EIPR1: variants seen among roughly 807,000 people sequenced by gnomAD.
The protein encoded by EIPR1 is EARP and GARP complex-interacting protein 1.
A neutral mutation model predicts 48.1 loss-of-function variants in EIPR1; 25 were observed. That is an observed-to-expected ratio of 0.52 (90% CI 0.38 to 0.73). The LOEUF (loss-of-function observed/expected upper bound fraction) is 0.73. Ranked by LOEUF, EIPR1 falls within the 30% of genes least tolerant of loss-of-function variation. The pLI is 0.00. For missense variants in EIPR1, 415 were observed against 506.2 expected, an observed-to-expected ratio of 0.82 and a Z score of 1.73; for synonymous variants, 204 against 201.9, an observed-to-expected ratio of 1.01 and a Z score of -0.09.
chr2:3,208,805 T>A lies in EIPR1; in HGVS notation c.516+5344A>T. ...GAGTGAGGCTCGTGGCAGGTCCTCC[T>A]TCTGTGAGTGAGGCCCGTGGCAGGT... On this transcript the variant is annotated intron_variant, in intron 5 of 8. Coordinates refer to ENST00000382125, the MANE Select transcript of EIPR1 (RefSeq NM_003310.5). 4 of 1,550,054 alleles carry A rather than the reference T, an allele frequency of 2.6e-6. No individual in the cohort carries two copies. The South Asian group carries it at 4.8e-5, about 18-fold the overall frequency.
At chr2:3,355,215 A>G (rs968068915) in intron 1 of EIPR1, among the ~76,000 whole-genome samples, 1 of 152,232 alleles carries the variant, frequency 6.6e-6, no homozygotes, top group Non-Finnish European at 1.5e-5. Context: ...TGATAGGCTG[A>G]TGCTGACGAG....
intron 3 of EIPR1, among the ~76,000 whole-genome samples, chr2:3,277,127 C>T (rs1397591772): frequency 6.6e-6 from 1 of 152,138 alleles, no homozygotes; most frequent in Non-Finnish European, 1.5e-5. Context: ...TAGAGGCAGG[C>T]AAAACAAAGT....
intron 3 of EIPR1, among the ~76,000 whole-genome samples, chr2:3,288,738 C>G (rs1668280535): frequency 6.6e-6 from 1 of 152,234 alleles, no homozygotes; most frequent in Non-Finnish European, 1.5e-5. Flanking sequence ...CAGGCACGGT[C>G]AGACATGGCA....
intron 3 of EIPR1, chr2:3,320,120 G>C (rs72493320): frequency 0.42 from 62,448 of 148,046 alleles, 13,847 homozygotes; most frequent in East Asian, 0.77. Context: ...ACCGCCCCTG[G>C]GGGCAACACC....
At chr2:3,275,226 A>C (rs1202331162) in intron 3 of EIPR1, among the ~76,000 whole-genome samples, 1 of 151,424 alleles carries the variant, frequency 6.6e-6, no homozygotes, top group East Asian at 1.9e-4. Flanking sequence ...CACACCAAGC[A>C]ACAAAAGAAA....
At chr2:3,324,817 G>A (rs1016044025) in intron 3 of EIPR1, among the ~76,000 whole-genome samples, 67 of 150,802 alleles carry the variant, frequency 4.4e-4, no homozygotes, top group African/African-American at 1.4e-3. Flanking sequence ...CGAAGTGGCC[G>A]CTGCCGCGCC....
intron 3 of EIPR1, among the ~76,000 whole-genome samples, chr2:3,272,914 C>A (rs1369056019): frequency 6.6e-6 from 1 of 151,330 alleles, no homozygotes; most frequent in African/African-American, 2.4e-5. Context: ...GGTTTCTTGA[C>A]CCTGACTGAC....
intron 3 of EIPR1, among the ~76,000 whole-genome samples, chr2:3,260,213 C>A (rs530015535): frequency 5.6e-4 from 85 of 152,272 alleles, no homozygotes; most frequent in African/African-American, 2.0e-3. Flanking sequence ...GAAGCAGTGG[C>A]CGGGCATGGT....
At chr2:3,341,737 G>A (rs1011859959) in intron 2 of EIPR1, among the ~76,000 whole-genome samples, 19 of 151,996 alleles carry the variant, frequency 1.3e-4, no homozygotes, top group Non-Finnish European at 5.9e-5. Context: ...GGGTGTGTGG[G>A]GGGTACGTGG....
At chr2:3,370,633 T>C (rs1283356575) in intron 1 of EIPR1, among the ~76,000 whole-genome samples, 1 of 152,112 alleles carries the variant, frequency 6.6e-6, no homozygotes, top group Non-Finnish European at 1.5e-5. Context: ...GAAGAAAGGG[T>C]ATCAGTGATG....
At chr2:3,376,999 A>G (rs921302705) in intron 1 of EIPR1, among the ~76,000 whole-genome samples, 5 of 152,286 alleles carry the variant, frequency 3.3e-5, no homozygotes, top group African/African-American at 1.2e-4. Context: ...TGCATTGCTT[A>G]TGCTCTGGGG....
intron 4 of EIPR1, among the ~76,000 whole-genome samples, chr2:3,238,350 CCACGGGCTGGTGA>C (rs1204092498): frequency 2.6e-5 from 4 of 152,202 alleles, no homozygotes; most frequent in Non-Finnish European, 5.9e-5. Flanking sequence ...TTGTCTCCCT[CCACGGGCTGGTGA>C]CACTCCAGAG....
chr2:3,231,051 C>G (rs530645447), intron 4 of EIPR1, among the ~76,000 whole-genome samples: 1 of 152,306 alleles, frequency 6.6e-6, no homozygotes, highest in African/African-American at 2.4e-5. Flanking sequence ...TTTCTGTGTA[C>G]AGATCTTTCA....
chr2:3,254,290 A>T (rs1324955396), intron 4 of EIPR1, among the ~76,000 whole-genome samples: 3 of 152,230 alleles, frequency 2.0e-5, no homozygotes, highest in African/African-American at 7.2e-5. Flanking sequence ...ACGCTCTGTC[A>T]TGGCATCACA....
intron 4 of EIPR1, among the ~76,000 whole-genome samples, chr2:3,215,307 A>G (rs920798075): frequency 6.6e-6 from 1 of 152,168 alleles, no homozygotes; most frequent in African/African-American, 2.4e-5. Flanking sequence ...CTCCTTAGGC[A>G]CTCAAGGATA....
chr2:3,318,979 T>C, intron 3 of EIPR1: 1 of 471,092 alleles, frequency 2.1e-6, no homozygotes, highest in Non-Finnish European at 4.4e-6. Context: ...AAGAAGGAAT[T>C]CAGATACTTG....
At chr2:3,367,705 A>G (rs917812474) in intron 1 of EIPR1, among the ~76,000 whole-genome samples, 62 of 152,324 alleles carry the variant, frequency 4.1e-4, no homozygotes, top group African/African-American at 1.3e-3. Flanking sequence ...AAAAGAGAAA[A>G]ATCCTAAAAC....
chr2:3,199,060 G>GCCCCCC lies in EIPR1; in HGVS notation c.517-2044_517-2043insGGGGGG, dbSNP rs1214394853. Among the ~76,000 whole-genome samples the GCCCCCC allele has an allele frequency of 1.3e-4, 3 of 23,348 alleles. 1 individual carries two copies. Among genetic ancestry groups the GCCCCCC allele is most frequent in the African/African-American group, 3.4e-4 (2 of 5,826 alleles). 15.3% of individuals were successfully genotyped at this position (23,348 alleles called of 152,430 possible). ...CACCCCCAGAGTGGCCATTTTAGAG[G>GCCCCCC]GCCCCCCCCCCGCCCCGGGAATGCA... is the stretch of plus-strand genomic sequence containing the variant. On this transcript the variant is annotated intron_variant, in intron 5 of 8. Transcript: ENST00000382125.
intron 4 of EIPR1, among the ~76,000 whole-genome samples, chr2:3,243,420 A>C (rs574495228): frequency 6.6e-6 from 1 of 152,208 alleles, no homozygotes; most frequent in Admixed American, 6.5e-5. Context: ...ACCTGAGGTC[A>C]GGAGTTCGAA....
Sources: allele counts gnomAD v4.1 joint callset (sites outside exome capture counted in the v4.1 genomes callset), GRCh38; gene constraint gnomAD v4.1.1; transcripts MANE v1.5; gene names NCBI Gene and HGNC (gene_info 2026-07-23, HGNC 2026-07-21).